FSTL4: variants seen among roughly 807,000 people sequenced by gnomAD.
FSTL4 encodes the protein follistatin like 4, also known as follistatin-related protein 4.
FSTL4 carries 28 observed loss-of-function variants against 78.2 expected under a neutral mutation model. The observed-to-expected ratio is 0.36, with a 90% CI of 0.27 to 0.49. FSTL4 has a LOEUF of 0.49. Among genes scored for constraint, FSTL4 ranks in the 20% least tolerant of loss-of-function variants. FSTL4 has a pLI of 0.98. For missense variants in FSTL4, 922 were observed against 1,084.9 expected, an observed-to-expected ratio of 0.85 and a Z score of 2.11; for synonymous variants, 422 against 440.5, an observed-to-expected ratio of 0.96 and a Z score of 0.53.
rs1447934620 is a variant in FSTL4 at position 133,210,301 on chromosome 5, TGAA to T, written c.1609-6_1609-4del. The T allele has an allele frequency of 3.3e-6, 5 of 1,534,172 alleles. No homozygotes were observed. The highest frequency in any genetic ancestry group is 4.5e-6 in the Non-Finnish European group (5 of 1,107,786). ...GGCAGAGGGTCCACACCTATGGACT[TGAA>T]AAAAAATAGTGACATGTTGTGAAAG... is the stretch of plus-strand genomic sequence containing the variant. On this transcript the variant is annotated splice_polypyrimidine_tract_variant and splice_region_variant and intron_variant, in intron 13 of 15. Coordinates refer to ENST00000265342, the MANE Select transcript of FSTL4 (RefSeq NM_015082.2).
At chr5:133,681,556 T>G in the FSTL4 span, among the ~76,000 whole-genome samples, 1 of 152,114 alleles carries the variant, frequency 6.6e-6, no homozygotes, top group South Asian at 2.1e-4. Flanking sequence ...CTGATCATCC[T>G]CTCACTGAGG....
At chr5:133,608,591 T>C (rs1286482971) in intron 1 of FSTL4, among the ~76,000 whole-genome samples, 1 of 152,220 alleles carries the variant, frequency 6.6e-6, no homozygotes, top group Non-Finnish European at 1.5e-5. Context: ...TTTGGATTCT[T>C]TGTTTAGATA....
intron 4 of FSTL4, among the ~76,000 whole-genome samples, chr5:133,373,329 G>A (rs1208093286): frequency 6.6e-6 from 1 of 152,182 alleles, no homozygotes; most frequent in Non-Finnish European, 1.5e-5. Flanking sequence ...GGAGGTGGGC[G>A]GTCAGCACCT....
the FSTL4 span, among the ~76,000 whole-genome samples, chr5:133,680,220 A>T: frequency 1.3e-5 from 2 of 152,134 alleles, no homozygotes; most frequent in African/African-American, 4.8e-5. Context: ...TTGTATGTTC[A>T]TTCATTTATT....
intron 4 of FSTL4, among the ~76,000 whole-genome samples, chr5:133,378,036 T>A (rs1296580251): frequency 6.6e-6 from 1 of 152,080 alleles, no homozygotes; most frequent in African/African-American, 2.4e-5. Context: ...GAATCGTATA[T>A]CCAACAAAAC....
At chr5:133,372,708 C>A (rs1484064296) in intron 4 of FSTL4, among the ~76,000 whole-genome samples, 1 of 152,162 alleles carries the variant, frequency 6.6e-6, no homozygotes, top group Non-Finnish European at 1.5e-5. Flanking sequence ...GCCTTTGTTT[C>A]CCCTTGGGTA....
At chr5:133,747,987 G>A in the FSTL4 span, among the ~76,000 whole-genome samples, 4 of 152,014 alleles carry the variant, frequency 2.6e-5, no homozygotes, top group Non-Finnish European at 4.4e-5. Context: ...ACAAGGTCAA[G>A]AGATCGAGAC....
intron 7 of FSTL4, among the ~76,000 whole-genome samples, chr5:133,239,037 C>T (rs968772921): frequency 4.6e-5 from 7 of 152,188 alleles, no homozygotes; most frequent in African/African-American, 1.4e-4. Context: ...TGTGGGCCAG[C>T]GTGAGTTTCG....
the FSTL4 span, among the ~76,000 whole-genome samples, chr5:133,689,424 T>C: frequency 6.6e-6 from 1 of 152,238 alleles, no homozygotes; most frequent in Non-Finnish European, 1.5e-5. Flanking sequence ...CTACTTCAAA[T>C]TCAGTAAGCC....
chr5:133,252,177 A>T (rs1752268196), intron 6 of FSTL4: 1 of 152,248 alleles, frequency 6.6e-6, no homozygotes, highest in Admixed American at 6.5e-5. Context: ...TGGATTGAGC[A>T]TTTAGTTGTG....
the FSTL4 span, among the ~76,000 whole-genome samples, chr5:133,663,019 T>G: frequency 1.3e-5 from 2 of 152,110 alleles, no homozygotes; most frequent in Non-Finnish European, 2.9e-5. Flanking sequence ...ATTCCAACAC[T>G]CTAGCATCCT....
chr5:133,630,965 C>CCCCT, the FSTL4 span, among the ~76,000 whole-genome samples: 3 of 152,102 alleles, frequency 2.0e-5, no homozygotes, highest in Non-Finnish European at 2.9e-5. Flanking sequence ...TGACACTGGA[C>CCCCT]CCCTTCCTTA....
chr5:133,631,896 G>A, the FSTL4 span, among the ~76,000 whole-genome samples: 208 of 152,128 alleles, frequency 1.4e-3, no homozygotes, highest in African/African-American at 5.0e-3. Flanking sequence ...AGTAACAGAG[G>A]AACAGAAAAC....
chr5:133,412,357 A>G (rs7733422), intron 3 of FSTL4, among the ~76,000 whole-genome samples: 4,162 of 152,228 alleles, frequency 0.027, 173 homozygotes, highest in African/African-American at 0.095. Context: ...CCAGAAATAA[A>G]TGCCAATGTA....
At chr5:133,651,893 C>T in the FSTL4 span, among the ~76,000 whole-genome samples, 14 of 152,114 alleles carry the variant, frequency 9.2e-5, no homozygotes, top group Non-Finnish European at 1.6e-4. Flanking sequence ...ATAGAATTCA[C>T]CTGTCATCCA....
chr5:133,256,031 T>G (rs1752371565), intron 6 of FSTL4, among the ~76,000 whole-genome samples: 1 of 152,180 alleles, frequency 6.6e-6, no homozygotes, highest in African/African-American at 2.4e-5. Context: ...AACACACTAA[T>G]GGAACACATT....
chr5:133,539,495 T>C (rs896154916), intron 3 of FSTL4, among the ~76,000 whole-genome samples: 14 of 152,114 alleles, frequency 9.2e-5, no homozygotes, highest in South Asian at 6.2e-4. Context: ...TGCATAACAG[T>C]GGGGCGGCAC....
At chr5:133,272,115 A>C (rs1404086127) in intron 6 of FSTL4, among the ~76,000 whole-genome samples, 1 of 152,224 alleles carries the variant, frequency 6.6e-6, no homozygotes, top group African/African-American at 2.4e-5. Context: ...GAAACAGGAG[A>C]CATCCCAACA....
At chr5:133,522,459 A>G (rs926813098) in intron 3 of FSTL4, among the ~76,000 whole-genome samples, 1 of 152,206 alleles carries the variant, frequency 6.6e-6, no homozygotes, top group Non-Finnish European at 1.5e-5. Flanking sequence ...CTTTTCTCAT[A>G]GCATTATTTT....
Sources: gnomAD v4.1 joint callset for allele counts (sites outside exome capture counted in the v4.1 genomes callset) on GRCh38, gnomAD v4.1.1 for gene constraint, MANE v1.5 for transcripts, NCBI Gene and HGNC (gene_info 2026-07-23, HGNC 2026-07-21) for gene names.